The following EIF2AK4 variants were observed in gnomAD, a reference collection of about 807,000 sequenced individuals.
The protein encoded by EIF2AK4 is eukaryotic translation initiation factor 2 alpha kinase 4, also known as eIF-2-alpha kinase GCN2.
In EIF2AK4, 139 loss-of-function variants were observed where a neutral mutation model predicts 211.1. The ratio of observed to expected loss-of-function variants is 0.66; its 90% CI spans 0.57 to 0.76. The LOEUF is 0.76. EIF2AK4 is among the 30% of genes least tolerant of loss of function. The probability of loss-of-function intolerance (pLI) is 0.00; values close to 1 mark genes in which losing one functional copy is unlikely to be tolerated. For missense variants in EIF2AK4, 1,664 were observed against 2,043.8 expected, an observed-to-expected ratio of 0.81 and a Z score of 3.58; for synonymous variants, 710 against 751.3, an observed-to-expected ratio of 0.94 and a Z score of 0.90.
intron 18 of EIF2AK4, 26 bp downstream of exon 18, chr15:39,992,874 A>G (rs934053443): frequency 1.2e-6 from 2 of 1,607,690 alleles, no homozygotes; most frequent in African/African-American, 2.7e-5. Context: ...GGGAAAAGGA[A>G]TCTCAAAATT....
intron 14 of EIF2AK4, among the ~76,000 whole-genome samples, chr15:39,986,434 A>T (rs1414788995): frequency 6.6e-6 from 1 of 152,248 alleles, no homozygotes; most frequent in South Asian, 2.1e-4. Flanking sequence ...ACCTCTGGAG[A>T]CCAGTGCACA....
intron 3 of EIF2AK4, chr15:39,946,553 C>T (rs2034230196): frequency 1.4e-6 from 1 of 702,168 alleles, no homozygotes; most frequent in Non-Finnish European, 2.6e-6. Flanking sequence ...GACAATCGAG[C>T]ATTTAGGATA....
At chr15:39,967,248 C>T in intron 8 of EIF2AK4, 96 bp from the exon 9 acceptor site, 5 of 1,367,226 alleles carry the variant, frequency 3.7e-6, no homozygotes, top group Non-Finnish European at 3.9e-6. Flanking sequence ...TTTTTTATGC[C>T]CCCATCTTGT....
At chr15:40,034,931 T>A in intron 38 of EIF2AK4, 96 bp from the exon 39 acceptor site, 1 of 963,356 alleles carries the variant, frequency 1.0e-6, no homozygotes, top group Non-Finnish European at 1.5e-6. Flanking sequence ...TGTTTTTGCT[T>A]AAATAAAGCT....
chr15:40,003,401 CT>C, intron 23 of EIF2AK4, 87 bp downstream of exon 23: 2 of 1,547,670 alleles, frequency 1.3e-6, no homozygotes, highest in Non-Finnish European at 1.7e-6. Flanking sequence ...TTCCCCCAGG[CT>C]TATATTATAA....
At chr15:39,958,460 G>A (rs2034422304) in intron 6 of EIF2AK4, among the ~76,000 whole-genome samples, 1 of 152,080 alleles carries the variant, frequency 6.6e-6, no homozygotes, top group Non-Finnish European at 1.5e-5. Flanking sequence ...GATCATTAAG[G>A]GTATAAGACA....
At chr15:39,958,296 C>T (rs1327657671) in intron 6 of EIF2AK4, among the ~76,000 whole-genome samples, 1 of 152,182 alleles carries the variant, frequency 6.6e-6, no homozygotes, top group Non-Finnish European at 1.5e-5. Context: ...CATATTCAGA[C>T]TTGCTGTCTT....
In EIF2AK4 at chr15:39,934,135, A is replaced by G; in HGVS notation, c.-61A>G. 1 of 1,231,208 alleles carries G rather than the reference A, an allele frequency of 8.1e-7. No homozygotes were observed. Among genetic ancestry groups the G allele is most frequent in the Non-Finnish European group, 1.0e-6 (1 of 989,254 alleles). 76.3% of individuals were successfully genotyped at this position (1,231,208 alleles called of 1,614,324 possible). A position where few individuals can be genotyped will look rare whatever the true frequency, so the allele number is the denominator to read the frequency against. ...TCCCCAGCGCGGAGCCCCGCCCCGC[A>G]GGCTGCCGGGGGCCCACCGCCGCCC... On this transcript the variant is annotated 5_prime_UTR_variant, in exon 1 of 39. Transcript: ENST00000263791.
rs755710900 is a variant in EIF2AK4 at position 40,034,454 on chromosome 15, C to T, written c.4892+10C>T. 6.2e-7 allele frequency: 1 copy of T among 1,601,104 alleles called. No homozygotes were observed. Among genetic ancestry groups the T allele is most frequent in the Non-Finnish European group, 8.6e-7 (1 of 1,168,494 alleles). Reference sequence around the variant, plus strand: ...TCAAAGTAGAAAAAAAGTAAGTTATCACTTGGGCATAGCAGGGTTCACATG... The same window carrying T: ...TCAAAGTAGAAAAAAAGTAAGTTATTACTTGGGCATAGCAGGGTTCACATG... On this transcript the variant is annotated intron_variant, in intron 38 of 38. Transcript: ENST00000263791.
chr15:39,992,205 G>C lies in EIF2AK4; in HGVS notation c.2662G>C (p.Asp888His), dbSNP rs17848491. The change falls in exon 17 of 39, where the codon GAC becomes CAC. Residue 888 changes from aspartate to histidine, a missense_variant. Around this residue, in one of 7 missense-constraint regions of EIF2AK4, gnomAD observed 622 missense variants for 796.8 expected, o/e 0.78. Coordinates refer to ENST00000263791, the MANE Select transcript of EIF2AK4 (RefSeq NM_001013703.4). ...ADSKQDDQTG[D>H]LIKSDPSGHL... ...CAGCAAACAAGACGATCAGACAGGAGACTTGATTAAGTCAGACCCTTCAGG... is the reference window on the plus strand; with the variant it reads ...CAGCAAACAAGACGATCAGACAGGACACTTGATTAAGTCAGACCCTTCAGG... The C allele has an allele frequency of 1.1e-3, 1,701 of 1,612,228 alleles. 14 individuals carry two copies. In the Admixed American group the frequency reaches 0.016, roughly 15 times the overall value.
intron 20 of EIF2AK4, 142 bp downstream of exon 20, chr15:39,998,926 G>A: frequency 1.5e-6 from 1 of 684,680 alleles, no homozygotes; most frequent in Non-Finnish European, 2.3e-6. Flanking sequence ...AAAAGATGAA[G>A]CACTTAAAAT....
intron 26 of EIF2AK4, among the ~76,000 whole-genome samples, chr15:40,010,491 A>G (rs1481772658): frequency 6.6e-6 from 1 of 152,208 alleles, no homozygotes; most frequent in African/African-American, 2.4e-5. Context: ...AAGGGGACGC[A>G]TTGAAAAAAT....
Position 39,968,451 on chromosome 15 carries a change from C to A in EIF2AK4, c.1553+572C>A, listed in dbSNP as rs148932466. On this transcript the variant is annotated intron_variant, in intron 9 of 38. Coordinates refer to ENST00000263791, the MANE Select transcript of EIF2AK4 (RefSeq NM_001013703.4). ...ACCCTTCTTGAGATGTTTCCTCAGGCCTAAGATGTTTGTCCAGGTCCTTCA... is the reference window on the plus strand; with the variant it reads ...ACCCTTCTTGAGATGTTTCCTCAGGACTAAGATGTTTGTCCAGGTCCTTCA... 1.8e-3 allele frequency among the ~76,000 whole-genome samples: 271 copies of A among 152,300 alleles called. 4 individuals carry two copies. The highest frequency in any genetic ancestry group is 6.1e-3 in the African/African-American group (253 of 41,564).
chr15:39,936,262 T>C (rs1485069388), intron 1 of EIF2AK4, among the ~76,000 whole-genome samples: 1 of 152,182 alleles, frequency 6.6e-6, no homozygotes, highest in Non-Finnish European at 1.5e-5. Flanking sequence ...CTGTGGCCTA[T>C]TGTACACCGG....
At chr15:40,019,761 T>C (rs1200808033) in intron 30 of EIF2AK4, among the ~76,000 whole-genome samples, 1 of 152,220 alleles carries the variant, frequency 6.6e-6, no homozygotes, top group African/African-American at 2.4e-5. Context: ...GGTTGAAGAC[T>C]TCTGCCTTAG....
In EIF2AK4 at chr15:39,998,774, A is replaced by C. The variant is rs545347096; in HGVS notation, c.2912A>C (p.His971Pro). The change falls in exon 20 of 39, where the codon CAT (histidine) becomes CCT (proline). Residue 971 changes from histidine (H) to proline (P), a missense_variant. His to Pro is a moderately conservative substitution (Grantham distance 77). Transcript: ENST00000263791. The stretch of plus-strand genomic sequence containing the variant: ...CCAGAAGACTTTGACGATGGAGAGC[A>C]TGCAAAGCAGGTAATTTTCTGATGC... ...KFPEDFDDGE[H>P]AKQKSVISWL... is the part of the protein sequence containing the mutation. 5 of 1,612,332 alleles carry C rather than the reference A, an allele frequency of 3.1e-6. No homozygotes were observed. Among genetic ancestry groups the C allele is most frequent in the Non-Finnish European group, 4.2e-6 (5 of 1,179,202 alleles).
chr15:40,011,151 A>G (rs929516578), intron 26 of EIF2AK4, 130 bp from the exon 27 acceptor site: 25 of 575,352 alleles, frequency 4.3e-5, no homozygotes, highest in Non-Finnish European at 7.1e-5. Context: ...ACAGAATTCA[A>G]TCTATCCTGT....
At chr15:39,967,251 C>G in intron 8 of EIF2AK4, 93 bp from the exon 9 acceptor site, 2 of 1,387,342 alleles carry the variant, frequency 1.4e-6, no homozygotes, top group Non-Finnish European at 1.9e-6. Context: ...TTTATGCCCC[C>G]ATCTTGTATG....
chr15:39,952,294 CTTTT>C (rs5812148), intron 4 of EIF2AK4, among the ~76,000 whole-genome samples: 1 of 127,988 alleles, frequency 7.8e-6, no homozygotes, highest in African/African-American at 2.9e-5. Flanking sequence ...GATTTTTTTT[CTTTT>C]TTTTTTTTTT....
Sources: gnomAD v4.1 joint callset for allele counts (sites outside exome capture counted in the v4.1 genomes callset) on GRCh38, gnomAD v4.1.1 for gene constraint, gnomAD v4.1.1 regional missense constraint, MANE v1.5 for transcripts, NCBI Gene and HGNC (gene_info 2026-07-23, HGNC 2026-07-21) for gene names.